The following GNB5 variants were observed in gnomAD, a reference collection of about 807,000 sequenced individuals.
The protein encoded by GNB5 is G protein subunit beta 5.
GNB5 carries 37 observed loss-of-function variants against 55.3 expected under a neutral mutation model. The ratio of observed to expected loss-of-function variants is 0.67; its 90% CI spans 0.51 to 0.88. The LOEUF (loss-of-function observed/expected upper bound fraction) is 0.88, where lower values mean the gene tolerates loss of function less well. GNB5 is among the 40% of genes least tolerant of loss of function. GNB5 has a pLI of 0.00. For missense variants in GNB5, 476 were observed against 515.3 expected, an observed-to-expected ratio of 0.92 and a Z score of 0.74; for synonymous variants, 219 against 198.5, an observed-to-expected ratio of 1.10 and a Z score of -0.87.
intron 10 of GNB5, among the ~76,000 whole-genome samples, chr15:52,126,306 C>A (rs890191335): frequency 6.6e-6 from 1 of 152,162 alleles, no homozygotes; most frequent in Admixed American, 6.5e-5. Flanking sequence ...GGTATAAAAA[C>A]AAAATGAGAC....
chr15:52,122,865 C>T (rs2033307449), intron 12 of GNB5, 97 bp from the exon 13 acceptor site: 3 of 840,762 alleles, frequency 3.6e-6, no homozygotes, highest in Non-Finnish European at 4.2e-6. Flanking sequence ...CACACACATG[C>T]ATGGGCATAC....
At chr15:52,150,708 G>T (rs1161509649) in intron 4 of GNB5, among the ~76,000 whole-genome samples, 3 of 152,220 alleles carry the variant, frequency 2.0e-5, no homozygotes, top group Admixed American at 1.3e-4. Context: ...CCATGGGTGT[G>T]GGTTGTGACT....
chr15:52,124,782 G>A, intron 11 of GNB5, 143 bp from the exon 12 acceptor site: 1 of 676,686 alleles, frequency 1.5e-6, no homozygotes, highest in Non-Finnish European at 2.6e-6. Flanking sequence ...AGGATTCAAA[G>A]GGGAGAAAGC....
chr15:52,145,515 CACGCCTGTAGTCCCAGCT>C (rs991654690), intron 6 of GNB5, among the ~76,000 whole-genome samples: 6 of 151,838 alleles, frequency 4.0e-5, no homozygotes, highest in African/African-American at 1.5e-4. Context: ...CGTGGTGGTG[CACGCCTGTAGTCCCAGCT>C]ACTTGGGAGG....
chr15:52,152,427 G>A (rs903123221), intron 4 of GNB5, among the ~76,000 whole-genome samples: 9 of 151,682 alleles, frequency 5.9e-5, no homozygotes, highest in Admixed American at 2.0e-4. Context: ...AGGTTCAAGC[G>A]ATTCTCCTGC....
chr15:52,119,949 A>AGT lies in GNB5; in HGVS notation c.*2806_*2807dup, dbSNP rs1210174988. The AGT allele has an allele frequency of 6.6e-6, 1 of 152,410 alleles. No individual in the cohort carries two copies. Among genetic ancestry groups the AGT allele is most frequent in the African/African-American group, 2.4e-5 (1 of 41,460 alleles). 9.4% of individuals were successfully genotyped at this position (152,410 alleles called of 1,614,324 possible). ...GGAGGTAGAAGAGCGGGAAGAGGGCAGTGGCAACGGGATGCCCACCTCTGG... is the reference window on the plus strand; with the variant it reads ...GGAGGTAGAAGAGCGGGAAGAGGGCAGTGTGGCAACGGGATGCCCACCTCTGG... On this transcript the variant is annotated 3_prime_UTR_variant, in exon 13 of 13. Coordinates refer to ENST00000261837, the MANE Select transcript of GNB5 (RefSeq NM_016194.4).
At position 52,138,401 on chromosome 15, in the gene GNB5, A is replaced by AAT. The variant is rs61642921; in HGVS notation, c.628-2646_628-2645insAT. On this transcript the variant is annotated intron_variant, in intron 7 of 12. Coordinates refer to ENST00000261837, the MANE Select transcript of GNB5 (RefSeq NM_016194.4). ...TGGTCTCAAAAAAAAAAAAAAAAAA[A>AAT]CTCATTTTTTTTTCTTTTTTTGCAG... is the stretch of plus-strand genomic sequence containing the variant. 96 of 147,490 alleles carry AAT rather than the reference A, an allele frequency of 6.5e-4. 2 individuals carry two copies. The highest frequency in any genetic ancestry group is 2.1e-3 in the African/African-American group (82 of 39,056). The allele number at this position is 147,490 out of a possible 1,614,324, so 9.1% of individuals were successfully genotyped here.
At chr15:52,162,631 C>T (rs2034358761) in intron 3 of GNB5, 1 of 152,014 alleles carries the variant, frequency 6.6e-6, no homozygotes, top group East Asian at 1.9e-4. Context: ...TTCATGGCCA[C>T]CTTTTGGTAG....
Position 52,117,104 on chromosome 15 carries a change from T to TATATATA in GNB5, c.*5652_*5653insTATATAT, listed in dbSNP as rs1566928457. The TATATATA allele has an allele frequency of 4.5e-5, 3 of 66,060 alleles. No individual in the cohort carries two copies. The highest frequency in any genetic ancestry group is 1.5e-4 in the African/African-American group (1 of 6,732). The allele number at this position is 66,060 out of a possible 1,614,324, so 4.1% of individuals were successfully genotyped here. On this transcript the variant is annotated 3_prime_UTR_variant, in exon 13 of 13. Coordinates refer to ENST00000261837, the MANE Select transcript of GNB5 (RefSeq NM_016194.4). ...ACGCCCAGCTAATATATATATATAT[T>TATATATA]TTTTTTTAGTACAGACAGGGTTTCA...
chr15:52,150,369 C>T (rs747824383), intron 4 of GNB5, among the ~76,000 whole-genome samples: 12 of 152,146 alleles, frequency 7.9e-5, no homozygotes, highest in Non-Finnish European at 1.2e-4. Context: ...TGTCCTTTCC[C>T]CGATTTGCTT....
At chr15:52,144,764 A>G (rs569874301) in intron 6 of GNB5, among the ~76,000 whole-genome samples, 17 of 152,310 alleles carry the variant, frequency 1.1e-4, no homozygotes, top group Non-Finnish European at 1.6e-4. Flanking sequence ...CAAGCCCCCA[A>G]TAAAACCTCT....
intron 7 of GNB5, chr15:52,139,749 GC>G: frequency 8.6e-7 from 1 of 1,162,996 alleles, no homozygotes; most frequent in Admixed American, 3.1e-5. Flanking sequence ...CGCCGAGGTA[GC>G]CAGCTGTGAC....
intron 11 of GNB5, 199 bp downstream of exon 11, chr15:52,125,749 T>C: frequency 1.8e-6 from 1 of 556,764 alleles, no homozygotes; most frequent in Non-Finnish European, 3.2e-6. Context: ...CATTTCCCCC[T>C]GGAGTGAAGT....
At chr15:52,160,313 A>T (rs1020936390) in intron 3 of GNB5, among the ~76,000 whole-genome samples, 8 of 152,316 alleles carry the variant, frequency 5.3e-5, no homozygotes, top group Admixed American at 3.9e-4. Flanking sequence ...ACAATGACCC[A>T]ATCCATGGGA....
intron 10 of GNB5, 103 bp from the exon 11 acceptor site, chr15:52,126,147 A>G (rs1596052702): frequency 1.6e-6 from 1 of 629,506 alleles, no homozygotes; most frequent in Non-Finnish European, 2.9e-6. Context: ...GTAGTTTAAA[A>G]GATGAAGGAA....
chr15:52,128,802 T>C, intron 9 of GNB5: 1 of 453,246 alleles, frequency 2.2e-6, no homozygotes. Flanking sequence ...CAATAAATGA[T>C]AATTATTACT....
At chr15:52,152,474 C>T (rs183841536) in intron 4 of GNB5, among the ~76,000 whole-genome samples, 4 of 152,148 alleles carry the variant, frequency 2.6e-5, no homozygotes, top group East Asian at 3.9e-4. Context: ...CAGGCTCCCA[C>T]CACCATGCCC....
intron 3 of GNB5, among the ~76,000 whole-genome samples, chr15:52,179,535 G>C (rs1278305387): frequency 6.6e-6 from 1 of 151,810 alleles, no homozygotes; most frequent in South Asian, 2.1e-4. Flanking sequence ...GCTGGCGGCG[G>C]GGGTCGGCCA....
At chr15:52,150,917 C>T (rs2034078379) in intron 4 of GNB5, among the ~76,000 whole-genome samples, 1 of 152,144 alleles carries the variant, frequency 6.6e-6, no homozygotes, top group Admixed American at 6.6e-5. Flanking sequence ...CATCTGGGGC[C>T]AAACTTTGGT....
Sources: gnomAD v4.1 joint callset for allele counts (sites outside exome capture counted in the v4.1 genomes callset) on GRCh38, gnomAD v4.1.1 for gene constraint, MANE v1.5 for transcripts, NCBI Gene and HGNC (gene_info 2026-07-23, HGNC 2026-07-21) for gene names.